The following DIP2C variants were observed in gnomAD, a reference collection of about 807,000 sequenced individuals.
DIP2C encodes DIP2 acetate--CoA ligase C (putative).
In DIP2C, 33 loss-of-function variants were observed where a neutral mutation model predicts 192.4. That is an observed-to-expected ratio of 0.17 (90% confidence interval 0.13 to 0.23). DIP2C has a LOEUF of 0.23. Among genes scored for constraint, DIP2C ranks in the 10% least tolerant of loss-of-function variants. DIP2C has a pLI of 1.00. For missense variants in DIP2C, 1,537 were observed against 2,110.1 expected, an observed-to-expected ratio of 0.73 and a Z score of 5.32; for synonymous variants, 979 against 864.1, an observed-to-expected ratio of 1.13 and a Z score of -2.33.
At chr10:604,950 G>C (rs891031420) in intron 1 of DIP2C, among the ~76,000 whole-genome samples, 10 of 152,176 alleles carry the variant, frequency 6.6e-5, no homozygotes, top group African/African-American at 2.4e-4. Context: ...ATAAAACTCA[G>C]CCCAAGGGTG....
At chr10:627,425 G>GTC (rs1366417731) in intron 1 of DIP2C, among the ~76,000 whole-genome samples, 5 of 152,222 alleles carry the variant, frequency 3.3e-5, no homozygotes, top group African/African-American at 1.2e-4. Context: ...ACAAAGTAGG[G>GTC]TTTTGTTACT....
chr10:590,032 A>G (rs1331748485), intron 1 of DIP2C, among the ~76,000 whole-genome samples: 3 of 152,236 alleles, frequency 2.0e-5, no homozygotes, highest in Admixed American at 2.0e-4. Flanking sequence ...AAACAGGAGA[A>G]AGGTAGGAGT....
chr10:663,029 A>C (rs539878615), intron 1 of DIP2C: 1 of 687,194 alleles, frequency 1.5e-6, no homozygotes, highest in Non-Finnish European at 2.7e-6. Context: ...GAAAGACTCT[A>C]AACACTCTGG....
chr10:393,628 G>A (rs994592257), intron 10 of DIP2C, among the ~76,000 whole-genome samples: 1 of 151,820 alleles, frequency 6.6e-6, no homozygotes, highest in African/African-American at 2.4e-5. Context: ...AAAATATAAA[G>A]ATTAGCCAGG....
intron 3 of DIP2C, among the ~76,000 whole-genome samples, chr10:447,273 G>A (rs796250964): frequency 3.3e-3 from 188 of 56,314 alleles, no homozygotes; most frequent in East Asian, 8.3e-3. Flanking sequence ...AATCACCCCC[G>A]TCGATATTCA....
intron 31 of DIP2C, chr10:325,024 A>C (rs7078788): frequency 7.9e-6 from 4 of 505,880 alleles, no homozygotes; most frequent in African/African-American, 5.8e-5. Flanking sequence ...CCAGCACTTT[A>C]GGAGGCAAAG....
intron 1 of DIP2C, among the ~76,000 whole-genome samples, chr10:557,590 A>C (rs1030812989): frequency 1.4e-5 from 2 of 143,874 alleles, no homozygotes; most frequent in African/African-American, 5.3e-5. Flanking sequence ...CAAGCTCACA[A>C]TACCAAGTGA....
intron 9 of DIP2C, among the ~76,000 whole-genome samples, chr10:408,697 G>A (rs988161705): frequency 3.3e-5 from 5 of 152,138 alleles, no homozygotes; most frequent in Admixed American, 6.5e-5. Context: ...ATCTAAACTG[G>A]GGCATAAAGC....
chr10:679,889 G>A (rs1053593263), intron 1 of DIP2C, among the ~76,000 whole-genome samples: 1 of 152,204 alleles, frequency 6.6e-6, no homozygotes, highest in African/African-American at 2.4e-5. Context: ...TGGATAAATG[G>A]AGGTAAAGAA....
chr10:687,894 G>A (rs561860178), intron 1 of DIP2C, among the ~76,000 whole-genome samples: 4 of 152,186 alleles, frequency 2.6e-5, no homozygotes, highest in Non-Finnish European at 5.9e-5. Flanking sequence ...GGGGCGCTAC[G>A]CTCTGCTGAC....
intron 3 of DIP2C, among the ~76,000 whole-genome samples, chr10:463,601 G>T (rs1296633691): frequency 6.6e-6 from 1 of 151,882 alleles, no homozygotes; most frequent in Admixed American, 6.6e-5. Flanking sequence ...TATCCCCATC[G>T]AGCTACCATT....
chr10:362,980 G>A (rs1195715642), intron 21 of DIP2C, among the ~76,000 whole-genome samples: 1 of 152,178 alleles, frequency 6.6e-6, no homozygotes, highest in Non-Finnish European at 1.5e-5. Context: ...TCCCCAAGGT[G>A]TCCGGTAGGA....
chr10:488,844 C>T (rs1421589657), intron 1 of DIP2C, among the ~76,000 whole-genome samples: 2 of 152,248 alleles, frequency 1.3e-5, no homozygotes, highest in Non-Finnish European at 2.9e-5. Flanking sequence ...AACTGTGCCC[C>T]AACCCAGTTG....
chr10:339,169 G>A (rs528288042), intron 29 of DIP2C, among the ~76,000 whole-genome samples: 128 of 152,216 alleles, frequency 8.4e-4, no homozygotes, highest in African/African-American at 2.9e-3. Context: ...AACTGCATGG[G>A]AAAGGGAAGT....
At chr10:392,147 G>C (rs1375785092) in intron 10 of DIP2C, among the ~76,000 whole-genome samples, 1 of 152,200 alleles carries the variant, frequency 6.6e-6, no homozygotes, top group African/African-American at 2.4e-5. Context: ...TCACTTTAAT[G>C]TGAATCTGAA....
intron 9 of DIP2C, among the ~76,000 whole-genome samples, chr10:407,419 T>A (rs1437945148): frequency 6.6e-6 from 1 of 152,158 alleles, no homozygotes; most frequent in Non-Finnish European, 1.5e-5. Context: ...TCTCCTAGAC[T>A]CTGTTTTCAA....
intron 1 of DIP2C, chr10:662,800 A>AACT: frequency 2.8e-6 from 2 of 714,002 alleles, no homozygotes; most frequent in Non-Finnish European, 5.2e-6. Flanking sequence ...GAAGAACCAA[A>AACT]ACTGTGGCAG....
At chr10:326,781 C>T (rs1472364245) in intron 31 of DIP2C, among the ~76,000 whole-genome samples, 12 of 152,176 alleles carry the variant, frequency 7.9e-5, no homozygotes, top group Non-Finnish European at 1.3e-4. Flanking sequence ...TTAAAATGTT[C>T]CAGGACAGAG....
intron 3 of DIP2C, among the ~76,000 whole-genome samples, chr10:462,567 G>A (rs773201714): frequency 2.6e-5 from 4 of 152,114 alleles, no homozygotes; most frequent in Admixed American, 6.5e-5. Flanking sequence ...AGGACCAGAC[G>A]AATTCACAGC....
Sources: allele counts gnomAD v4.1 joint callset (sites outside exome capture counted in the v4.1 genomes callset), GRCh38; gene constraint gnomAD v4.1.1; transcripts MANE v1.5; gene names NCBI Gene and HGNC (gene_info 2026-07-23, HGNC 2026-07-21).